The following MET variants were observed in gnomAD, a reference collection of about 807,000 sequenced individuals.
MET encodes the protein hepatocyte growth factor receptor.
Under a neutral mutation model 133.1 loss-of-function variants are expected in MET, and 48 were observed. That is an observed-to-expected ratio of 0.36 (90% confidence interval 0.29 to 0.46). The LOEUF (loss-of-function observed/expected upper bound fraction) is 0.46, where lower values mean the gene tolerates loss of function less well. Among genes scored for constraint, MET ranks in the 20% least tolerant of loss-of-function variants. The pLI is 1.00. For synonymous variants in MET, 628 were observed against 616.5 expected (o/e 1.02, Z -0.28); for missense variants, 1,442 against 1,695.9 (o/e 0.85, Z 2.63).
chr7:116,698,841 G>C (rs1797056811), intron 1 of MET, among the ~76,000 whole-genome samples: 1 of 152,152 alleles, frequency 6.6e-6, no homozygotes, highest in Non-Finnish European at 1.5e-5. Flanking sequence ...CATCTCAATG[G>C]TTCTCTAAAA....
intron 9 of MET, 104 bp from the exon 10 acceptor site, chr7:116,759,287 C>G: frequency 6.6e-7 from 1 of 1,524,706 alleles, no homozygotes; most frequent in Non-Finnish European, 8.9e-7. Flanking sequence ...TTGACTGTGC[C>G]TCTGACCTGT....
In MET at chr7:116,782,160, C is replaced by T. The variant is rs6966012; in HGVS notation, c.3632+63C>T. 4.9e-3 allele frequency: 5,422 copies of T among 1,098,578 alleles called. 178 individuals are homozygous for T. In the African/African-American group the frequency reaches 0.071, roughly 14 times the overall value. The allele number at this position is 1,098,578 out of a possible 1,614,324, so 68.1% of individuals were successfully genotyped here. ...GTGACAAGGAGGAATCTGTTTCCCA[C>T]TGTTCAATGCTAGTTAAGCTGTTTT... On this transcript the variant is annotated intron_variant, in intron 18 of 20. Transcript: ENST00000397752.
intron 2 of MET, among the ~76,000 whole-genome samples, chr7:116,729,587 C>T (rs1343460085): frequency 6.6e-6 from 1 of 152,152 alleles, no homozygotes; most frequent in Admixed American, 6.5e-5. Flanking sequence ...ACTTCCTAAT[C>T]ATTTTCCTAC....
intron 3 of MET, among the ~76,000 whole-genome samples, chr7:116,732,329 A>G (rs573007894): frequency 6.6e-6 from 1 of 152,352 alleles, no homozygotes; most frequent in Admixed American, 6.5e-5. Context: ...TTGTAACTCA[A>G]GCTCTCCTGA....
At chr7:116,772,066 G>A (rs2116999369) in intron 14 of MET, 77 bp downstream of exon 14, 1 of 1,535,960 alleles carries the variant, frequency 6.5e-7, no homozygotes, top group South Asian at 1.1e-5. Context: ...TTTATTTTTG[G>A]TTTTGCATTT....
intron 1 of MET, among the ~76,000 whole-genome samples, chr7:116,684,835 T>C (rs188877694): frequency 1.2e-3 from 189 of 152,186 alleles, no homozygotes; most frequent in Middle Eastern, 3.4e-3. Context: ...AGAAGTGACA[T>C]AGTCAAATTG....
intron 2 of MET, among the ~76,000 whole-genome samples, chr7:116,720,471 C>G (rs1425514760): frequency 7.2e-6 from 1 of 138,988 alleles, no homozygotes; most frequent in African/African-American, 2.9e-5. Flanking sequence ...ATTGAATACC[C>G]TTTATTTCCT....
Position 116,723,796 on chromosome 7 carries a change from G to T in MET, c.1201-7872G>T, listed in dbSNP as rs1380896518. Among the ~76,000 whole-genome samples the T allele has an allele frequency of 9.1e-4, 139 of 152,244 alleles. 1 individual carries two copies. Among genetic ancestry groups the T allele is most frequent in the African/African-American group, 3.1e-3 (127 of 41,510 alleles). ...GGGTGCCTCCCAGTTAGGCTGCTCGGGGGTCAGGGGTCAGGGACCCACTTG... is the reference window on the plus strand; with the variant it reads ...GGGTGCCTCCCAGTTAGGCTGCTCGTGGGTCAGGGGTCAGGGACCCACTTG... On this transcript the variant is annotated intron_variant, in intron 2 of 20. Coordinates refer to ENST00000397752, the MANE Select transcript of MET (RefSeq NM_000245.4).
At chr7:116,784,242 A>G (rs1413422494) in intron 19 of MET, among the ~76,000 whole-genome samples, 2 of 152,228 alleles carry the variant, frequency 1.3e-5, no homozygotes, top group Non-Finnish European at 2.9e-5. Flanking sequence ...GGAGAAAAAT[A>G]TACTTATACT....
chr7:116,689,874 T>G (rs922705451), intron 1 of MET, among the ~76,000 whole-genome samples: 12 of 152,102 alleles, frequency 7.9e-5, no homozygotes, highest in Non-Finnish European at 1.5e-5. Flanking sequence ...CTAACTCTTT[T>G]TTAAAGAGTT....
chr7:116,738,088 A>G (rs1793292669), intron 3 of MET, among the ~76,000 whole-genome samples: 1 of 152,222 alleles, frequency 6.6e-6, no homozygotes, highest in Admixed American at 6.5e-5. Context: ...ATGAGCTGGA[A>G]AACAAAGTCA....
At chr7:116,768,325 T>C (rs1297574817) in intron 11 of MET, among the ~76,000 whole-genome samples, 1 of 152,190 alleles carries the variant, frequency 6.6e-6, no homozygotes, top group East Asian at 1.9e-4. Flanking sequence ...TTCTTTGTCA[T>C]TCCCTGAATT....
chr7:116,741,316 G>A (rs1423151923), intron 5 of MET, among the ~76,000 whole-genome samples: 1 of 152,012 alleles, frequency 6.6e-6, no homozygotes, highest in East Asian at 1.9e-4. Context: ...CTCACCTTTA[G>A]TGCCGTGTGA....
intron 9 of MET, 47 bp downstream of exon 9, chr7:116,758,667 A>G (rs774388148): frequency 1.3e-6 from 2 of 1,583,590 alleles, no homozygotes; most frequent in Non-Finnish European, 1.7e-6. Context: ...GAATACAAGG[A>G]TGATTTTGCT....
chr7:116,777,348 A>T (rs2117039338), intron 15 of MET, 41 bp from the exon 16 acceptor site: 1 of 1,461,424 alleles, frequency 6.8e-7, no homozygotes. Flanking sequence ...TTTCATAATT[A>T]AATGTTACGC....
chr7:116,740,705 C>A, intron 4 of MET, 147 bp from the exon 5 acceptor site: 1 of 965,348 alleles, frequency 1.0e-6, no homozygotes, highest in South Asian at 1.4e-5. Context: ...TTTTAATCAC[C>A]GTTATGACAG....
At position 116,687,240 on chromosome 7, in the gene MET, C is replaced by G. The variant is rs1004541337; in HGVS notation, c.-14-11831C>G. On this transcript the variant is annotated intron_variant, in intron 1 of 20. Coordinates refer to ENST00000397752, the MANE Select transcript of MET (RefSeq NM_000245.4). ...AGTTACGTAAATGCAATCCTAAGCACAGTTGTTTTCAGGTTGTCCTAACCT... is the reference window on the plus strand; with the variant it reads ...AGTTACGTAAATGCAATCCTAAGCAGAGTTGTTTTCAGGTTGTCCTAACCT... Among the ~76,000 whole-genome samples the G allele has an allele frequency of 4.6e-5, 7 of 152,184 alleles. No individual in the cohort carries two copies. In the South Asian group the frequency reaches 1.4e-3, roughly 31 times the overall value.
intron 3 of MET, among the ~76,000 whole-genome samples, chr7:116,737,784 G>A (rs973786194): frequency 2.0e-5 from 3 of 152,120 alleles, no homozygotes; most frequent in Non-Finnish European, 2.9e-5. Flanking sequence ...AAGAGCTTCC[G>A]AAAAGAAAGA....
chr7:116,681,895 A>G (rs1796373620), intron 1 of MET, among the ~76,000 whole-genome samples: 1 of 152,212 alleles, frequency 6.6e-6, no homozygotes, highest in Non-Finnish European at 1.5e-5. Context: ...TGATATTTGT[A>G]ATTTGTATTA....
Sources: allele counts gnomAD v4.1 joint callset (sites outside exome capture counted in the v4.1 genomes callset), GRCh38; gene constraint gnomAD v4.1.1; transcripts MANE v1.5; gene names NCBI Gene and HGNC (gene_info 2026-07-23, HGNC 2026-07-21).